WNT7B: variants seen among roughly 807,000 people sequenced by gnomAD.
WNT7B encodes protein Wnt-7b.
A neutral mutation model predicts 38.2 loss-of-function variants in WNT7B; 19 were observed. The observed-to-expected ratio is 0.50, with a 90% CI of 0.35 to 0.73. The LOEUF (loss-of-function observed/expected upper bound fraction) is 0.73, where lower values mean the gene tolerates loss of function less well. Among genes scored for constraint, WNT7B ranks in the 30% least tolerant of loss-of-function variants. The pLI, the probability that WNT7B is intolerant of heterozygous loss-of-function variation, is 0.01. For synonymous variants in WNT7B, 243 were observed against 209.3 expected (o/e 1.16, Z -1.39); for missense variants, 423 against 507.9 (o/e 0.83, Z 1.61).
rs1384403561 is a variant in WNT7B at position 45,946,428 on chromosome 22, C to T, written c.298+3492G>A. Among the ~76,000 whole-genome samples, 3 of 152,224 alleles carry T rather than the reference C, an allele frequency of 2.0e-5. No individual in the cohort carries two copies. The East Asian group carries it at 5.8e-4, about 29-fold the overall frequency. The stretch of plus-strand genomic sequence containing the variant: ...TTGTTGGGGGGCCCCAGGTTTCCAA[C>T]AGACTTTCCTGGGATACGAGGTTCT... On this transcript the variant is annotated intron_variant, in intron 2 of 3. Coordinates refer to ENST00000339464, the MANE Select transcript of WNT7B (RefSeq NM_058238.3).
At chr22:45,945,842 C>T (rs941878760) in intron 2 of WNT7B, among the ~76,000 whole-genome samples, 2 of 152,254 alleles carry the variant, frequency 1.3e-5, no homozygotes, top group Non-Finnish European at 2.9e-5. Flanking sequence ...ACGCAGAGCT[C>T]GCCCCCAAAG....
At chr22:45,969,544 G>T (rs769013524) in intron 1 of WNT7B, among the ~76,000 whole-genome samples, 2 of 152,228 alleles carry the variant, frequency 1.3e-5, no homozygotes, top group Non-Finnish European at 2.9e-5. Context: ...TGACAACAGA[G>T]CTCTGCACAG....
In WNT7B at chr22:45,951,885, G is replaced by A. The variant is rs10448599; in HGVS notation, c.72-1739C>T. On this transcript the variant is annotated intron_variant, in intron 1 of 3. Transcript: ENST00000339464. The surrounding 1 kb of genome is among the most constrained non-coding windows in gnomAD (Gnocchi z 4.8). Reference sequence around the variant, plus strand: ...GTTTGAGCCTGTTTTCAGTCTCTGGGGCATGGACCTATGAGTTGCTGGGTC... The same window carrying A: ...GTTTGAGCCTGTTTTCAGTCTCTGGAGCATGGACCTATGAGTTGCTGGGTC... Among the ~76,000 whole-genome samples the A allele has an allele frequency of 0.018, 2,777 of 152,302 alleles. 29 individuals are homozygous for A. The highest frequency in any genetic ancestry group is 0.031 in the Non-Finnish European group (2,076 of 68,012).
rs1192036710 is a variant in WNT7B, at chr22:45,975,457, C to T, written c.71+1227G>A. On this transcript the variant is annotated intron_variant, in intron 1 of 3. Transcript: ENST00000339464. The surrounding 1 kb of genome is among the most constrained non-coding windows in gnomAD (Gnocchi z 6.6). The stretch of plus-strand genomic sequence containing the variant: ...CCGCAGACACGCCCGCCCAGACCTG[C>T]AGGGCTCAGGCTAGGACGGGGGCTT... 4.3e-6 allele frequency: 3 copies of T among 690,260 alleles called. No individual in the cohort carries two copies. Among genetic ancestry groups the T allele is most frequent in the Non-Finnish European group, 8.1e-6 (3 of 369,214 alleles). 42.8% of individuals were successfully genotyped at this position (690,260 alleles called of 1,614,324 possible).
intron 1 of WNT7B, among the ~76,000 whole-genome samples, chr22:45,959,855 A>T (rs1442590513): frequency 1.3e-5 from 2 of 151,938 alleles, no homozygotes; most frequent in African/African-American, 4.8e-5. Context: ...TCCGTGGGGG[A>T]GACACGAGAT....
intron 1 of WNT7B, among the ~76,000 whole-genome samples, chr22:45,957,863 G>A (rs1932109698): frequency 1.3e-5 from 2 of 152,196 alleles, no homozygotes; most frequent in Non-Finnish European, 2.9e-5. Flanking sequence ...CTAAGGCAGA[G>A]CTGGGCTGAG....
chr22:45,976,969 G>T lies in WNT7B; in HGVS notation c.-215C>A. On this transcript the variant is annotated 5_prime_UTR_variant, in exon 1 of 4. Coordinates refer to ENST00000339464, the MANE Select transcript of WNT7B (RefSeq NM_058238.3). This position sits in a 1 kb window ranked among gnomAD's most constrained non-coding sequence, Gnocchi z 8.5. ...CACCGCCGCGTGAGCCCGGGGAATTGACCCAGGCTGGGGGCCGCGACCTCG... is the reference window on the plus strand; with the variant it reads ...CACCGCCGCGTGAGCCCGGGGAATTTACCCAGGCTGGGGGCCGCGACCTCG... 1 of 987,464 alleles carries T rather than the reference G, an allele frequency of 1.0e-6. No individual in the cohort carries two copies. Among genetic ancestry groups the T allele is most frequent in the South Asian group, 4.6e-5 (1 of 21,714 alleles). The allele number at this position is 987,464 out of a possible 1,614,324, so 61.2% of individuals were successfully genotyped here. A position where few individuals can be genotyped will look rare whatever the true frequency, so the allele number is the denominator to read the frequency against.
intron 2 of WNT7B, among the ~76,000 whole-genome samples, chr22:45,948,846 T>C (rs1346663808): frequency 2.3e-5 from 3 of 131,950 alleles, no homozygotes; most frequent in African/African-American, 1.1e-4. Flanking sequence ...TTTTTTTTTT[T>C]TTTTTTTTTT....
chr22:45,933,309 C>T (rs1007462952), intron 2 of WNT7B, among the ~76,000 whole-genome samples: 3 of 152,318 alleles, frequency 2.0e-5, no homozygotes, highest in African/African-American at 7.2e-5. Flanking sequence ...GCAGCACAGC[C>T]CCTGCCTTTG....
intron 1 of WNT7B, among the ~76,000 whole-genome samples, chr22:45,974,253 C>T (rs1309613754): frequency 6.6e-6 from 1 of 152,178 alleles, no homozygotes; most frequent in Non-Finnish European, 1.5e-5. Context: ...AAAGGGCTCA[C>T]TCAAGGCCAC....
chr22:45,936,385 C>T (rs2080152244), intron 2 of WNT7B, among the ~76,000 whole-genome samples: 1 of 152,248 alleles, frequency 6.6e-6, no homozygotes, highest in African/African-American at 2.4e-5. Flanking sequence ...GACTCCAGGA[C>T]AGACCGAGGT....
Position 45,967,543 on chromosome 22 carries a change from C to T in WNT7B, c.71+9141G>A, listed in dbSNP as rs1447457818. ...TGGCCCTGGGCCGATGGCCTAGACACCCACAACCGAGCCCTCTACCTCATC... is the reference window on the plus strand; with the variant it reads ...TGGCCCTGGGCCGATGGCCTAGACATCCACAACCGAGCCCTCTACCTCATC... On this transcript the variant is annotated intron_variant, in intron 1 of 3. Coordinates refer to ENST00000339464, the MANE Select transcript of WNT7B (RefSeq NM_058238.3). 4.7e-5 allele frequency among the ~76,000 whole-genome samples: 6 copies of T among 127,790 alleles called. No individual in the cohort carries two copies. In the East Asian group the frequency reaches 1.5e-3, roughly 32 times the overall value. 83.8% of individuals were successfully genotyped at this position (127,790 alleles called of 152,430 possible).
At chr22:45,939,325 T>C (rs143626619) in intron 2 of WNT7B, among the ~76,000 whole-genome samples, 8 of 152,320 alleles carry the variant, frequency 5.3e-5, no homozygotes, top group East Asian at 3.9e-4. Flanking sequence ...CGCCCACTTA[T>C]ATATTGTGCA....
At chr22:45,927,423 G>A in intron 3 of WNT7B, 1 of 1,543,174 alleles carries the variant, frequency 6.5e-7, no homozygotes, top group Non-Finnish European at 8.7e-7. Flanking sequence ...ACCAGCCTGG[G>A]CCACATGCCA....
At chr22:45,927,553 C>CCCTGGGTTGT (rs1931127107) in intron 3 of WNT7B, 1 of 1,434,926 alleles carries the variant, frequency 7.0e-7, no homozygotes, top group Admixed American at 2.0e-5. Flanking sequence ...GAGGAGGTCA[C>CCCTGGGTTGT]CCTGGGTTGT....
intron 2 of WNT7B, among the ~76,000 whole-genome samples, chr22:45,943,933 C>A (rs1283213720): frequency 6.6e-6 from 1 of 152,198 alleles, no homozygotes; most frequent in Admixed American, 6.5e-5. Context: ...GCCTCAGTGG[C>A]CCAGGGCTCT....
At chr22:45,949,444 G>A (rs933651420) in intron 2 of WNT7B, among the ~76,000 whole-genome samples, 3 of 151,454 alleles carry the variant, frequency 2.0e-5, no homozygotes, top group Non-Finnish European at 2.9e-5. Flanking sequence ...CGGAATCTAC[G>A]ACATTCACAC....
At position 45,928,485 on chromosome 22, in the gene WNT7B, C is replaced by CA. The variant is rs879352291; in HGVS notation, c.570+2612dup. Among the ~76,000 whole-genome samples the CA allele has an allele frequency of 3.0e-4, 45 of 152,102 alleles. 1 individual carries two copies. Among genetic ancestry groups the CA allele is most frequent in the Middle Eastern group, 3.4e-3 (1 of 292 alleles). Reference sequence around the variant, plus strand: ...GTCAAGGCTCAGCAGCAGCGTGGGTCAGCCAGGGCCCCACCGGCCATCCGA... The same window carrying CA: ...GTCAAGGCTCAGCAGCAGCGTGGGTCAAGCCAGGGCCCCACCGGCCATCCGA... On this transcript the variant is annotated intron_variant, in intron 3 of 3. Coordinates refer to ENST00000339464, the MANE Select transcript of WNT7B (RefSeq NM_058238.3).
chr22:45,926,608 A>G (rs1343705449), intron 3 of WNT7B: 5 of 985,166 alleles, frequency 5.1e-6, no homozygotes, highest in Non-Finnish European at 1.2e-6. Flanking sequence ...AAGGCACCTC[A>G]CCCTGGATCC....
Sources: gnomAD v4.1 joint callset for allele counts (sites outside exome capture counted in the v4.1 genomes callset) on GRCh38, gnomAD v4.1.1 for gene constraint, Gnocchi (gnomAD v3.1) non-coding constraint, MANE v1.5 for transcripts, NCBI Gene and HGNC (gene_info 2026-07-23, HGNC 2026-07-21) for gene names.